The following DENND2D variants were observed in gnomAD, a reference collection of about 807,000 sequenced individuals.
DENND2D encodes DENN domain-containing protein 2D.
A neutral mutation model predicts 59.8 loss-of-function variants in DENND2D; 37 were observed. The observed-to-expected ratio is 0.62, with a 90% CI of 0.48 to 0.81. The LOEUF is 0.81. DENND2D is among the 40% of genes least tolerant of loss of function. The pLI is 0.00. For missense variants in DENND2D, 525 were observed against 579.7 expected (o/e 0.91, Z 0.97); for synonymous variants, 219 against 211.3 (o/e 1.04, Z -0.31).
intron 7 of DENND2D, among the ~76,000 whole-genome samples, 176 bp from the exon 8 acceptor site, chr1:111,192,493 G>C (rs1227192566): frequency 6.6e-6 from 1 of 152,086 alleles, no homozygotes; most frequent in Non-Finnish European, 1.5e-5. Flanking sequence ...TGGGAGGGAG[G>C]GACAGAAACT....
rs533745407 is a variant in DENND2D, at chr1:111,190,163, CA to C, written c.973-911del. Among the ~76,000 whole-genome samples, 80 of 85,246 alleles carry C rather than the reference CA, an allele frequency of 9.4e-4. 1 individual carries two copies. The highest frequency in any genetic ancestry group is 6.4e-3 in the East Asian group (19 of 2,968). 55.9% of individuals were successfully genotyped at this position (85,246 alleles called of 152,430 possible). On this transcript the variant is annotated intron_variant, in intron 8 of 11. Coordinates refer to ENST00000357640, the MANE Select transcript of DENND2D (RefSeq NM_024901.5). ...TGGGCGACACAGCGAGACTCTGTCT[CA>C]AAAAAAAAAAAAAAAAAAACTACCT...
chr1:111,198,209 G>A (rs1182307047), intron 3 of DENND2D, among the ~76,000 whole-genome samples: 5 of 152,204 alleles, frequency 3.3e-5, no homozygotes, highest in African/African-American at 1.2e-4. Flanking sequence ...TAAAGATGAA[G>A]GAACTGAGGC....
chr1:111,200,205 C>A, intron 1 of DENND2D, 188 bp downstream of exon 1: 1 of 705,316 alleles, frequency 1.4e-6, no homozygotes, highest in Non-Finnish European at 2.4e-6. Flanking sequence ...ACTGTGACCA[C>A]ACTAGCCCCA....
chr1:111,201,688 G>A (rs756100641), upstream of DENND2D, among the ~76,000 whole-genome samples: 5 of 152,172 alleles, frequency 3.3e-5, no homozygotes, highest in Admixed American at 1.3e-4. Context: ...AGGGTTTGAC[G>A]CCAGTGTTTG....
chr1:111,193,158 A>G (rs774355575), intron 7 of DENND2D, among the ~76,000 whole-genome samples: 49 of 152,220 alleles, frequency 3.2e-4, no homozygotes, highest in Non-Finnish European at 5.6e-4. Context: ...GTCAAGGCCA[A>G]TAAAAGCACA....
At chr1:111,195,846 A>T in intron 6 of DENND2D, 70 bp downstream of exon 6, 1 of 1,603,086 alleles carries the variant, frequency 6.2e-7, no homozygotes, top group East Asian at 2.2e-5. Context: ...ATGGAAGAAC[A>T]GTGGTGAGAG....
intron 2 of DENND2D, among the ~76,000 whole-genome samples, chr1:111,199,366 G>T (rs1414097047): frequency 3.3e-5 from 5 of 152,162 alleles, no homozygotes; most frequent in Non-Finnish European, 5.9e-5. Flanking sequence ...CCCCTAAAAG[G>T]CAAAATGTCT....
upstream of DENND2D, chr1:111,201,245 G>T (rs1658773697): frequency 6.6e-6 from 1 of 152,210 alleles, no homozygotes; most frequent in African/African-American, 2.4e-5. Context: ...TAAGCCCAGA[G>T]TTCGTGATAT....
intron 4 of DENND2D, 58 bp from the exon 5 acceptor site, chr1:111,197,311 A>T: frequency 6.4e-7 from 1 of 1,572,102 alleles, no homozygotes; most frequent in Non-Finnish European, 8.6e-7. Flanking sequence ...GCTTCTCCCA[A>T]CTGGGTATGA....
At chr1:111,203,447 C>T (rs913655303), upstream of DENND2D, among the ~76,000 whole-genome samples, 5 of 152,354 alleles carry the variant, frequency 3.3e-5, no homozygotes, top group Middle Eastern at 3.4e-3. Context: ...ATCTAAGGGT[C>T]ACGGCTGTTC....
intron 4 of DENND2D, chr1:111,197,611 T>C (rs751701376): frequency 1.9e-5 from 26 of 1,353,696 alleles, no homozygotes; most frequent in Non-Finnish European, 2.4e-5. Flanking sequence ...TCCCAGCCTC[T>C]GCTCTGGGAG....
upstream of DENND2D, chr1:111,204,155 C>T: frequency 3.4e-6 from 3 of 889,970 alleles, no homozygotes; most frequent in Admixed American, 8.6e-5. Context: ...CCTGCCCCCG[C>T]GCAGCCTCCT....
chr1:111,197,371 G>T, intron 4 of DENND2D, 118 bp from the exon 5 acceptor site: 1 of 1,499,836 alleles, frequency 6.7e-7, no homozygotes, highest in Non-Finnish European at 8.9e-7. Context: ...GGAATGGTGG[G>T]TGCAGCAGGG....
intron 7 of DENND2D, among the ~76,000 whole-genome samples, chr1:111,193,892 T>G (rs2101472619): frequency 6.6e-6 from 1 of 152,350 alleles, no homozygotes. Context: ...AACTGTGAAC[T>G]TAAGAACAGA....
At chr1:111,194,820 GC>G (rs1180478480) in intron 6 of DENND2D, 94 bp from the exon 7 acceptor site, 2 of 1,395,746 alleles carry the variant, frequency 1.4e-6, no homozygotes, top group South Asian at 2.6e-5. Context: ...TATTCCTTCT[GC>G]CCCCAGGAGT....
chr1:111,198,019 T>C (rs1557962375), intron 3 of DENND2D, 30 bp from the exon 4 acceptor site: 2 of 1,607,492 alleles, frequency 1.2e-6, no homozygotes, highest in Admixed American at 3.4e-5. Context: ...GCTTGATTTG[T>C]ATTGCTCACT....
upstream of DENND2D, among the ~76,000 whole-genome samples, chr1:111,202,839 C>G (rs1359278329): frequency 6.6e-6 from 1 of 151,028 alleles, no homozygotes; most frequent in African/African-American, 2.4e-5. Context: ...GCTCCTGGCC[C>G]TACAAGTGTT....
At chr1:111,200,005 G>A in intron 1 of DENND2D, 1 of 648,626 alleles carries the variant, frequency 1.5e-6, no homozygotes, top group Non-Finnish European at 2.6e-6. Context: ...ACCATGGGGA[G>A]CCAAGCAGAG....
chr1:111,190,058 A>C (rs1047620722), intron 8 of DENND2D, among the ~76,000 whole-genome samples: 1 of 151,188 alleles, frequency 6.6e-6, no homozygotes, highest in African/African-American at 2.4e-5. Context: ...CAGCTACTCC[A>C]GAGGCTGAGG....
Sources: gnomAD v4.1 joint callset for allele counts (sites outside exome capture counted in the v4.1 genomes callset) on GRCh38, gnomAD v4.1.1 for gene constraint, MANE v1.5 for transcripts, NCBI Gene and HGNC (gene_info 2026-07-23, HGNC 2026-07-21) for gene names.